Variants in WWOX observed in about 807,000 individuals in gnomAD.
WWOX encodes WW domain containing oxidoreductase, also known as WW domain-containing oxidoreductase.
In WWOX, 69 loss-of-function variants were observed where a neutral mutation model predicts 46.2. The observed-to-expected ratio is 1.49, with a 90% CI of 1.23 to 1.82. The LOEUF is 1.82. WWOX is among the 40% of genes most tolerant of loss of function. The pLI is 0.00. For missense variants in WWOX, 919 were observed against 542.6 expected, an observed-to-expected ratio of 1.69 and a Z score of -6.89; for synonymous variants, 359 against 202.6, an observed-to-expected ratio of 1.77 and a Z score of -6.56.
At chr16:78,801,882 C>T (rs1197771978) in intron 8 of WWOX, among the ~76,000 whole-genome samples, 2 of 152,120 alleles carry the variant, frequency 1.3e-5, no homozygotes, top group South Asian at 2.1e-4. Flanking sequence ...TTGTCCTGAT[C>T]TAAAATTAAC....
chr16:78,546,552 T>G (rs2044036700), intron 8 of WWOX, among the ~76,000 whole-genome samples: 1 of 152,224 alleles, frequency 6.6e-6, no homozygotes, highest in Non-Finnish European at 1.5e-5. Context: ...GTTTATATTG[T>G]TTGTTGAAAT....
rs548575040 is a variant in WWOX at position 78,977,006 on chromosome 16, A to T, written c.1057-234602A>T. ...TTTTGAATCTAGCATGTATAAGCTC[A>T]TCAGAGAGCTTTCCCCTGGCCTGGG... On this transcript the variant is annotated intron_variant, in intron 8 of 8. Coordinates refer to ENST00000566780, the MANE Select transcript of WWOX (RefSeq NM_016373.4). 2.6e-5 allele frequency among the ~76,000 whole-genome samples: 4 copies of T among 152,290 alleles called. No homozygotes were observed. In the South Asian group the frequency reaches 8.3e-4, roughly 32 times the overall value.
At chr16:78,881,873 A>G (rs554274445) in intron 8 of WWOX, among the ~76,000 whole-genome samples, 1 of 152,222 alleles carries the variant, frequency 6.6e-6, no homozygotes, top group South Asian at 2.1e-4. Context: ...CTGTAATCCC[A>G]GCACTTTGGT....
chr16:79,052,260 G>T (rs185203813), intron 8 of WWOX, among the ~76,000 whole-genome samples: 259 of 144,210 alleles, frequency 1.8e-3, no homozygotes, highest in African/African-American at 6.3e-3. Context: ...TCATTGTTCA[G>T]TTGTCACCTA....
At chr16:79,144,636 G>T (rs7200529) in intron 8 of WWOX, among the ~76,000 whole-genome samples, 64,869 of 151,804 alleles carry the variant, frequency 0.43, 15,597 homozygotes, top group African/African-American at 0.67. Context: ...GGAAAAACCC[G>T]ACTTTTGACT....
intron 8 of WWOX, among the ~76,000 whole-genome samples, chr16:78,602,562 C>T (rs746567631): frequency 6.6e-6 from 1 of 152,090 alleles, no homozygotes; most frequent in African/African-American, 2.4e-5. Flanking sequence ...TGGCTGACAA[C>T]GAAAGCTGTT....
intron 8 of WWOX, among the ~76,000 whole-genome samples, chr16:78,579,329 G>C (rs1370351229): frequency 6.6e-6 from 1 of 152,176 alleles, no homozygotes; most frequent in African/African-American, 2.4e-5. Context: ...TATGGAATAA[G>C]AGTGAGACAG....
At chr16:78,538,884 A>G (rs1465394610) in intron 8 of WWOX, among the ~76,000 whole-genome samples, 2 of 152,206 alleles carry the variant, frequency 1.3e-5, no homozygotes, top group Admixed American at 1.3e-4. Flanking sequence ...TATGAGATGC[A>G]TTTGAAAACT....
chr16:78,598,583 C>T (rs908593556), intron 8 of WWOX, among the ~76,000 whole-genome samples: 10 of 152,124 alleles, frequency 6.6e-5, no homozygotes, highest in Admixed American at 1.3e-4. Context: ...CCATCGGTGA[C>T]GCCAACACAC....
chr16:79,096,582 C>G (rs1451794485), intron 8 of WWOX, among the ~76,000 whole-genome samples: 1 of 152,198 alleles, frequency 6.6e-6, no homozygotes, highest in African/African-American at 2.4e-5. Context: ...AAACAGCAAT[C>G]TTCCTTCTCC....
chr16:78,212,176 A>C (rs1258715700), intron 5 of WWOX, among the ~76,000 whole-genome samples: 1 of 152,276 alleles, frequency 6.6e-6, no homozygotes, highest in Non-Finnish European at 1.5e-5. Flanking sequence ...TGCTGGGAGC[A>C]TTTCAGCTCT....
At chr16:78,858,793 C>G (rs57622501) in intron 8 of WWOX, among the ~76,000 whole-genome samples, 1 of 151,648 alleles carries the variant, frequency 6.6e-6, no homozygotes, top group Non-Finnish European at 1.5e-5. Flanking sequence ...ATTCTCCCAT[C>G]TCAGCCTCCT....
chr16:79,208,244 T>G (rs569874106), intron 8 of WWOX, among the ~76,000 whole-genome samples: 2 of 152,208 alleles, frequency 1.3e-5, no homozygotes, highest in African/African-American at 4.8e-5. Context: ...AAGATTCTTC[T>G]GGGCTTCCCA....
intron 5 of WWOX, among the ~76,000 whole-genome samples, chr16:78,359,522 C>G (rs1442324764): frequency 1.3e-5 from 2 of 152,018 alleles, no homozygotes; most frequent in Admixed American, 6.6e-5. Flanking sequence ...TTTAATCTAT[C>G]TTAGAGCTGA....
At chr16:78,523,438 C>A (rs2043391770) in intron 8 of WWOX, among the ~76,000 whole-genome samples, 1 of 152,130 alleles carries the variant, frequency 6.6e-6, no homozygotes, top group African/African-American at 2.4e-5. Context: ...CCGGTAATTA[C>A]CGAATCATAA....
intron 8 of WWOX, among the ~76,000 whole-genome samples, chr16:78,671,065 A>G (rs1041511054): frequency 7.2e-5 from 11 of 152,188 alleles, no homozygotes; most frequent in Non-Finnish European, 1.2e-4. Context: ...CAGAACCCCC[A>G]GAAGGGACTC....
chr16:78,614,364 C>T (rs1370752953), intron 8 of WWOX, among the ~76,000 whole-genome samples: 2 of 152,198 alleles, frequency 1.3e-5, no homozygotes, highest in Admixed American at 6.5e-5. Flanking sequence ...TAAAATCATG[C>T]TTATCATATC....
At chr16:78,563,506 C>A (rs1456845424) in intron 8 of WWOX, among the ~76,000 whole-genome samples, 1 of 141,072 alleles carries the variant, frequency 7.1e-6, no homozygotes, top group Non-Finnish European at 1.5e-5. Context: ...CACACACACA[C>A]ACACACACAC....
At chr16:78,821,778 A>G (rs1296578212) in intron 8 of WWOX, among the ~76,000 whole-genome samples, 2 of 152,258 alleles carry the variant, frequency 1.3e-5, no homozygotes, top group African/African-American at 4.8e-5. Flanking sequence ...GTAACCTAGC[A>G]TAGTGTCAGA....
Sources: gnomAD v4.1 joint callset for allele counts (sites outside exome capture counted in the v4.1 genomes callset) on GRCh38, gnomAD v4.1.1 for gene constraint, MANE v1.5 for transcripts, NCBI Gene and HGNC (gene_info 2026-07-23, HGNC 2026-07-21) for gene names.